FGF18: variants seen among roughly 807,000 people sequenced by gnomAD.
FGF18 encodes the protein fibroblast growth factor 18.
FGF18 carries 5 observed loss-of-function variants against 23.0 expected under a neutral mutation model. The observed-to-expected ratio is 0.22, with a 90% CI of 0.11 to 0.46. FGF18 has a LOEUF of 0.46. FGF18 is among the 20% of genes least tolerant of loss of function. FGF18 has a pLI of 0.99. For synonymous variants in FGF18, 117 were observed against 118.9 expected, an observed-to-expected ratio of 0.98 and a Z score of 0.10; for missense variants, 180 against 291.6, an observed-to-expected ratio of 0.62 and a Z score of 2.79.
chr5:171,456,523 C>T lies in FGF18; in HGVS notation c.358-16C>T. 3.7e-6 allele frequency: 6 copies of T among 1,608,294 alleles called. No homozygotes were observed. Among genetic ancestry groups the T allele is most frequent in the East Asian group, 2.2e-5 (1 of 44,770 alleles). ...AGTCATTTTTTTCTTGAACACTCCC[C>T]CTCTCTCCCCTGCAGCCCGATGGCA... is the stretch of plus-strand genomic sequence containing the variant. On this transcript the variant is annotated splice_polypyrimidine_tract_variant and intron_variant, in intron 4 of 4. Coordinates refer to ENST00000274625, the MANE Select transcript of FGF18 (RefSeq NM_003862.3). The surrounding 1 kb of genome is among the most constrained non-coding windows in gnomAD (Gnocchi z 6.1).
At chr5:171,450,710 G>A (rs1237077898) in intron 4 of FGF18, among the ~76,000 whole-genome samples, 1 of 152,098 alleles carries the variant, frequency 6.6e-6, no homozygotes, top group Non-Finnish European at 1.5e-5. Context: ...GCCGGCCGGC[G>A]AGGGGGGTCG....
chr5:171,438,298 C>T (rs1269103776), intron 3 of FGF18, among the ~76,000 whole-genome samples: 5 of 152,024 alleles, frequency 3.3e-5, no homozygotes, highest in African/African-American at 7.2e-5. Context: ...GACGGGGTTT[C>T]GCCATGTTGG....
intron 3 of FGF18, among the ~76,000 whole-genome samples, chr5:171,445,650 G>A (rs1235771604): frequency 6.6e-6 from 1 of 152,200 alleles, no homozygotes; most frequent in Non-Finnish European, 1.5e-5. Flanking sequence ...ACAGGCATGA[G>A]CCACAGCGCC....
intron 3 of FGF18, among the ~76,000 whole-genome samples, chr5:171,444,494 A>G (rs764762823): frequency 3.3e-5 from 5 of 151,796 alleles, no homozygotes; most frequent in Middle Eastern, 3.4e-3. Flanking sequence ...CTCTAAAGAA[A>G]TGTCAGTTAC....
intron 4 of FGF18, among the ~76,000 whole-genome samples, chr5:171,452,668 A>G (rs1401352572): frequency 6.6e-6 from 1 of 151,996 alleles, no homozygotes; most frequent in Non-Finnish European, 1.5e-5. Context: ...CGCAACCCAG[A>G]TTGTATTTTT....
intron 3 of FGF18, among the ~76,000 whole-genome samples, chr5:171,444,067 C>T (rs1036879106): frequency 1.9e-4 from 27 of 141,790 alleles, no homozygotes; most frequent in Admixed American, 1.3e-3. Context: ...TTTCCCATCT[C>T]CCGGTATCAA....
chr5:171,425,949 T>C (rs532929529), intron 2 of FGF18, among the ~76,000 whole-genome samples: 18 of 152,282 alleles, frequency 1.2e-4, no homozygotes, highest in African/African-American at 4.3e-4. Context: ...TTTGGTCACA[T>C]AGCAAGAGAG....
intron 3 of FGF18, among the ~76,000 whole-genome samples, chr5:171,445,758 C>T (rs1772409334): frequency 6.6e-6 from 1 of 152,050 alleles, no homozygotes; most frequent in Non-Finnish European, 1.5e-5. Context: ...TTGAGTTGTG[C>T]AGGCTGGAGG....
intron 2 of FGF18, among the ~76,000 whole-genome samples, chr5:171,433,589 C>G (rs956879840): frequency 2.6e-5 from 4 of 152,124 alleles, no homozygotes; most frequent in Admixed American, 2.6e-4. Flanking sequence ...AGGCGGGACC[C>G]AGGTATCAGA....
At chr5:171,455,912 G>A (rs1387045729) in intron 4 of FGF18, among the ~76,000 whole-genome samples, 1 of 152,146 alleles carries the variant, frequency 6.6e-6, no homozygotes, top group Non-Finnish European at 1.5e-5. Flanking sequence ...ATGGGAGTCT[G>A]TTACCTAATT....
chr5:171,449,737 G>C (rs1227665793), intron 4 of FGF18, among the ~76,000 whole-genome samples: 1 of 151,918 alleles, frequency 6.6e-6, no homozygotes, highest in Non-Finnish European at 1.5e-5. Context: ...CCTCGTCAGC[G>C]CTGGGCCTCT....
At position 171,456,597 on chromosome 5, in the gene FGF18, C is replaced by T. The variant is rs758902974; in HGVS notation, c.416C>T (p.Thr139Met). ...GAGAAGGTTCTGGAGAACAACTACA[C>T]GGCCCTGATGTCGGCTAAGTACTCC... ...FIEKVLENNY[T>M]ALMSAKYSGW... Residue 139 changes from threonine (T) to methionine (M), a missense_variant, in exon 5 of 5, where the codon ACG becomes ATG. Transcript: ENST00000274625. The surrounding 1 kb of genome is among the most constrained non-coding windows in gnomAD (Gnocchi z 6.1). 1 of 1,614,136 alleles carries T rather than the reference C, an allele frequency of 6.2e-7. No homozygotes were observed. The highest frequency in any genetic ancestry group is 8.5e-7 in the Non-Finnish European group (1 of 1,180,024).
At chr5:171,450,961 C>T (rs1334972723) in intron 4 of FGF18, among the ~76,000 whole-genome samples, 1 of 152,096 alleles carries the variant, frequency 6.6e-6, no homozygotes, top group African/African-American at 2.4e-5. Context: ...CACGCCGCGG[C>T]CCGCCCTCGC....
intron 2 of FGF18, among the ~76,000 whole-genome samples, chr5:171,421,919 C>T (rs1362634119): frequency 6.6e-6 from 1 of 152,070 alleles, no homozygotes; most frequent in Non-Finnish European, 1.5e-5. Flanking sequence ...AGAGGGAGGC[C>T]AGTGCCAGGC....
rs952244785 is a variant in FGF18, at chr5:171,420,095, AGCG to A, written c.-79_-77del. On this transcript the variant is annotated 5_prime_UTR_variant, in exon 1 of 5. Coordinates refer to ENST00000274625, the MANE Select transcript of FGF18 (RefSeq NM_003862.3). Reference sequence around the variant, plus strand: ...CAGCCGGCGAGGAGGGAGCAGCAGCAGCGGCGGCGGCGGCGGCGGCGGCGGCGG... The same window carrying A: ...CAGCCGGCGAGGAGGGAGCAGCAGCAGCGGCGGCGGCGGCGGCGGCGGCGG... 3,191 of 871,976 alleles carry A rather than the reference AGCG, an allele frequency of 3.7e-3. No homozygotes were observed. The highest frequency in any genetic ancestry group is 7.3e-3 in the South Asian group (194 of 26,486). The allele number at this position is 871,976 out of a possible 1,614,324, so 54.0% of individuals were successfully genotyped here.
At chr5:171,426,694 C>T (rs191970743) in intron 2 of FGF18, among the ~76,000 whole-genome samples, 1 of 152,350 alleles carries the variant, frequency 6.6e-6, no homozygotes, top group Admixed American at 6.5e-5. Context: ...CTGGCTCTGT[C>T]CTGGGCTCAC....
At chr5:171,449,006 G>A (rs1379208975) in intron 3 of FGF18, 141 bp from the exon 4 acceptor site, 1 of 665,068 alleles carries the variant, frequency 1.5e-6, no homozygotes. Context: ...CTGTCCTGTG[G>A]GACTTGTTAG....
rs1332871825 is a variant in FGF18 at position 171,440,612 on chromosome 5, G to A, written c.250+4339G>A. 6.6e-6 allele frequency among the ~76,000 whole-genome samples: 1 copy of A among 152,150 alleles called. No individual in the cohort carries two copies. Among genetic ancestry groups the A allele is most frequent in the Non-Finnish European group, 1.5e-5 (1 of 68,020 alleles). On this transcript the variant is annotated intron_variant, in intron 3 of 4. Coordinates refer to ENST00000274625, the MANE Select transcript of FGF18 (RefSeq NM_003862.3). This position sits in a 1 kb window ranked among gnomAD's most constrained non-coding sequence, Gnocchi z 4.0. ...GCTGACTTTGAGTAGGAAGAACCTA[G>A]GCTGTGAACTTCCCACGTGACTGTG...
At chr5:171,428,394 G>A (rs980968514) in intron 2 of FGF18, among the ~76,000 whole-genome samples, 2 of 152,216 alleles carry the variant, frequency 1.3e-5, no homozygotes, top group Admixed American at 1.3e-4. Flanking sequence ...GGGAGCAAGA[G>A]CTCAAGGGTG....
Sources: allele counts gnomAD v4.1 joint callset (sites outside exome capture counted in the v4.1 genomes callset), GRCh38; gene constraint gnomAD v4.1.1; non-coding constraint Gnocchi (gnomAD v3.1); transcripts MANE v1.5; gene names NCBI Gene and HGNC (gene_info 2026-07-23, HGNC 2026-07-21).